The following AFG2A variants were observed in gnomAD, a reference collection of about 807,000 sequenced individuals.
AFG2A encodes the protein AAA ATPase AFG2A, also known as ATPase family gene 2 protein homolog A.
chr4:123,024,199 G>A, the AFG2A span, among the ~76,000 whole-genome samples: 3 of 122,472 alleles, frequency 2.4e-5, no homozygotes, highest in Non-Finnish European at 5.0e-5. Flanking sequence ...GATCTAGAAC[G>A]AAAAGCGGTC....
chr4:122,927,902 C>T, the AFG2A span: 4 of 1,158,816 alleles, frequency 3.5e-6, no homozygotes, highest in Non-Finnish European at 4.8e-6. Context: ...ATTTGGGATG[C>T]TTAGCCAGTA....
chr4:123,053,955 T>G, the AFG2A span, among the ~76,000 whole-genome samples: 1 of 152,070 alleles, frequency 6.6e-6, no homozygotes, highest in African/African-American at 2.4e-5. Flanking sequence ...CTCCCCCTGG[T>G]TTCTTGTGTA....
At chr4:123,300,301 T>C in the AFG2A span, among the ~76,000 whole-genome samples, 2 of 152,218 alleles carry the variant, frequency 1.3e-5, no homozygotes, top group Non-Finnish European at 2.9e-5. Context: ...AAAGAATAAC[T>C]ATAATGAAAA....
the AFG2A span, chr4:122,938,258 A>G: frequency 9.5e-6 from 15 of 1,577,650 alleles, no homozygotes; most frequent in South Asian, 1.8e-4. Context: ...CAGTAAGTAT[A>G]GCACTAGTAT....
At chr4:123,001,888 A>G in the AFG2A span, among the ~76,000 whole-genome samples, 122,526 of 151,346 alleles carry the variant, frequency 0.81, 51,323 homozygotes, top group East Asian at 0.96. Flanking sequence ...TGATCTGTCT[A>G]ATGTTGACAG....
At chr4:122,944,588 C>T in the AFG2A span, among the ~76,000 whole-genome samples, 2 of 152,188 alleles carry the variant, frequency 1.3e-5, no homozygotes, top group African/African-American at 2.4e-5. Context: ...TGAATTTCCT[C>T]CCGTAGCTCG....
At chr4:123,238,051 C>A in the AFG2A span, among the ~76,000 whole-genome samples, 5 of 152,334 alleles carry the variant, frequency 3.3e-5, no homozygotes, top group South Asian at 1.0e-3. Flanking sequence ...GCAGATCCAA[C>A]ACCCACGGAG....
At chr4:123,067,504 G>A in the AFG2A span, among the ~76,000 whole-genome samples, 7 of 151,798 alleles carry the variant, frequency 4.6e-5, no homozygotes, top group East Asian at 1.2e-3. Flanking sequence ...GCAACGGGGC[G>A]AGACTCCATC....
the AFG2A span, among the ~76,000 whole-genome samples, chr4:123,016,371 G>A: frequency 4.1e-3 from 624 of 151,204 alleles, 2 homozygotes; most frequent in Non-Finnish European, 7.4e-3. Context: ...CATATGGGGC[G>A]GTTGCCAGGC....
At chr4:123,271,866 GTT>G in the AFG2A span, among the ~76,000 whole-genome samples, 11,481 of 150,018 alleles carry the variant, frequency 0.077, 1,439 homozygotes, top group African/African-American at 0.26. Context: ...TTCCTAATAT[GTT>G]TTTTTTTTTT....
chr4:123,292,543 A>C, the AFG2A span, among the ~76,000 whole-genome samples: 12 of 152,196 alleles, frequency 7.9e-5, no homozygotes, highest in African/African-American at 2.9e-4. Context: ...GGGTTAAAAA[A>C]AATTCCCCTT....
the AFG2A span, among the ~76,000 whole-genome samples, chr4:123,213,220 C>T: frequency 3.7e-3 from 562 of 152,180 alleles, 2 homozygotes; most frequent in African/African-American, 0.013. Flanking sequence ...GATTGATCTT[C>T]GTGTACAAGC....
At chr4:123,298,207 G>T in the AFG2A span, among the ~76,000 whole-genome samples, 1 of 152,196 alleles carries the variant, frequency 6.6e-6, no homozygotes, top group Non-Finnish European at 1.5e-5. Context: ...GCCAATCAGA[G>T]ACTTTCTGTA....
chr4:123,059,014 T>C, the AFG2A span, among the ~76,000 whole-genome samples: 1 of 151,988 alleles, frequency 6.6e-6, no homozygotes. Context: ...ACTATGGGGG[T>C]ACAGGCATTG....
the AFG2A span, among the ~76,000 whole-genome samples, chr4:123,044,474 A>AT: frequency 6.6e-6 from 1 of 152,040 alleles, no homozygotes; most frequent in Non-Finnish European, 1.5e-5. Flanking sequence ...TAGTTTTACC[A>AT]TTTTTCTATC....
At chr4:122,988,587 C>T in the AFG2A span, among the ~76,000 whole-genome samples, 11 of 151,864 alleles carry the variant, frequency 7.2e-5, no homozygotes, top group African/African-American at 2.2e-4. Flanking sequence ...TTAGTAGAGA[C>T]GGAGTTTCAT....
the AFG2A span, among the ~76,000 whole-genome samples, chr4:123,102,502 CT>C: frequency 6.6e-6 from 1 of 151,914 alleles, no homozygotes; most frequent in South Asian, 2.1e-4. Context: ...ATTTAATATA[CT>C]TTTAACTATT....
At chr4:123,002,709 C>G in the AFG2A span, among the ~76,000 whole-genome samples, 49 of 152,244 alleles carry the variant, frequency 3.2e-4, no homozygotes, top group African/African-American at 1.0e-3. Flanking sequence ...TGTGGGTAAC[C>G]TGACCTTTCT....
chr4:123,267,296 TTTTA>T, the AFG2A span, among the ~76,000 whole-genome samples: 2 of 152,136 alleles, frequency 1.3e-5, no homozygotes, highest in East Asian at 1.9e-4. Context: ...TCTCTTTTTA[TTTTA>T]TTTGTGTTTC....
Sources: allele counts gnomAD v4.1 joint callset (sites outside exome capture counted in the v4.1 genomes callset), GRCh38; gene constraint gnomAD v4.1.1; transcripts MANE v1.5; gene names NCBI Gene and HGNC (gene_info 2026-07-23, HGNC 2026-07-21).